Variants in CSMD3 observed in about 807,000 individuals in gnomAD.
The protein encoded by CSMD3 is CUB and Sushi multiple domains 3.
A neutral mutation model predicts 435.2 loss-of-function variants in CSMD3; 177 were observed. The ratio of observed to expected loss-of-function variants is 0.41; its 90% CI spans 0.36 to 0.46. The LOEUF (loss-of-function observed/expected upper bound fraction) is 0.46, where lower values mean the gene tolerates loss of function less well. Ranked by LOEUF, CSMD3 falls within the 20% of genes least tolerant of loss-of-function variation. The probability of loss-of-function intolerance (pLI) is 0.34; values close to 1 mark genes in which losing one functional copy is unlikely to be tolerated. For synonymous variants in CSMD3, 1,656 were observed against 1,520.5 expected, an observed-to-expected ratio of 1.09 and a Z score of -2.07; for missense variants, 4,265 against 4,504.6, an observed-to-expected ratio of 0.95 and a Z score of 1.52.
At chr8:113,354,545 CT>C (rs779040833) in intron 1 of CSMD3, among the ~76,000 whole-genome samples, 17 of 152,114 alleles carry the variant, frequency 1.1e-4, no homozygotes, top group Non-Finnish European at 1.9e-4. Context: ...CATGAATGTT[CT>C]AAGAAACATT....
At chr8:112,363,572 C>T (rs1428630271) in intron 38 of CSMD3, among the ~76,000 whole-genome samples, 2 of 151,898 alleles carry the variant, frequency 1.3e-5, no homozygotes, top group Non-Finnish European at 2.9e-5. Flanking sequence ...GGACCAGTGT[C>T]CCTAGCTCAT....
intron 13 of CSMD3, among the ~76,000 whole-genome samples, chr8:112,700,794 C>T: frequency 6.6e-6 from 1 of 152,130 alleles, no homozygotes; most frequent in East Asian, 1.9e-4. Context: ...AATCTTCCTA[C>T]AGGGGCTGGA....
chr8:112,968,685 A>G (rs1056812460), intron 7 of CSMD3, among the ~76,000 whole-genome samples: 1 of 151,858 alleles, frequency 6.6e-6, no homozygotes, highest in Non-Finnish European at 1.5e-5. Flanking sequence ...TTGACCTATA[A>G]TTTTTCTCTG....
At chr8:112,880,345 C>T (rs2081412710) in intron 10 of CSMD3, among the ~76,000 whole-genome samples, 1 of 151,968 alleles carries the variant, frequency 6.6e-6, no homozygotes, top group Non-Finnish European at 1.5e-5. Context: ...GCTTAAGGAG[C>T]TTGCAGTCTT....
chr8:112,592,391 A>G (rs1831267411), intron 22 of CSMD3, among the ~76,000 whole-genome samples: 1 of 152,028 alleles, frequency 6.6e-6, no homozygotes, highest in Non-Finnish European at 1.5e-5. Context: ...TAAATACAAT[A>G]CATGTATGTA....
chr8:112,336,653 A>T lies in CSMD3; in HGVS notation c.7018T>A (p.Trp2340Arg), dbSNP rs1824591721. The change falls in exon 44 of 71, where the codon TGG becomes AGG. Residue 2340 changes from tryptophan (W) to arginine (R), a missense_variant and splice_region_variant. Coordinates refer to ENST00000297405, the MANE Select transcript of CSMD3 (RefSeq NM_198123.2). The stretch of plus-strand genomic sequence containing the variant: ...TCAATAACAATAGTCCTGACTTACC[A>T]TACAGTAATGAAATCATATATTGGT... ...TEPIYDFITV[W>R]DGPDQNSPQI... 6.2e-7 allele frequency: 1 copy of T among 1,602,144 alleles called. No individual in the cohort carries two copies. Among genetic ancestry groups the T allele is most frequent in the East Asian group, 2.2e-5 (1 of 44,718 alleles).
chr8:113,072,307 T>C (rs925498655), intron 5 of CSMD3, among the ~76,000 whole-genome samples: 13 of 151,898 alleles, frequency 8.6e-5, no homozygotes, highest in Non-Finnish European at 1.6e-4. Context: ...CTAATTGCTC[T>C]GTCAAGGACT....
chr8:113,383,099 G>A (rs954983594), intron 1 of CSMD3, among the ~76,000 whole-genome samples: 1 of 152,134 alleles, frequency 6.6e-6, no homozygotes, highest in Non-Finnish European at 1.5e-5. Flanking sequence ...AAGATGAGGA[G>A]GAGGAATGGA....
chr8:112,933,720 T>C (rs1218747546), intron 9 of CSMD3, among the ~76,000 whole-genome samples: 1 of 152,174 alleles, frequency 6.6e-6, no homozygotes, highest in Non-Finnish European at 1.5e-5. Context: ...TTAAAAATAA[T>C]TCGACATTTT....
chr8:112,429,620 G>C (rs1329533408), intron 32 of CSMD3, among the ~76,000 whole-genome samples: 1 of 151,952 alleles, frequency 6.6e-6, no homozygotes, highest in Admixed American at 6.6e-5. Context: ...ACTTTAAATG[G>C]CTCCTCCTAC....
At chr8:112,525,651 G>A (rs1320790568) in intron 27 of CSMD3, among the ~76,000 whole-genome samples, 2 of 148,768 alleles carry the variant, frequency 1.3e-5, no homozygotes, top group African/African-American at 2.4e-5. Flanking sequence ...AACCCAGGAG[G>A]TGGAACATGC....
chr8:113,321,899 C>A (rs904186552), intron 1 of CSMD3, among the ~76,000 whole-genome samples: 4 of 152,106 alleles, frequency 2.6e-5, no homozygotes, highest in Non-Finnish European at 4.4e-5. Flanking sequence ...CACTGAGGAA[C>A]AATATTTCTT....
chr8:112,479,622 A>C (rs1819430034), intron 31 of CSMD3, among the ~76,000 whole-genome samples: 1 of 152,172 alleles, frequency 6.6e-6, no homozygotes, highest in South Asian at 2.1e-4. Context: ...CCTTGGCTCA[A>C]AGGGGTCCAG....
chr8:112,405,663 C>T (rs1462800759), intron 35 of CSMD3, among the ~76,000 whole-genome samples: 1 of 151,790 alleles, frequency 6.6e-6, no homozygotes, highest in African/African-American at 2.4e-5. Context: ...CAAAATGTTA[C>T]CACCAATATT....
At chr8:113,298,952 T>C (rs2093742455) in intron 2 of CSMD3, among the ~76,000 whole-genome samples, 1 of 152,160 alleles carries the variant, frequency 6.6e-6, no homozygotes, top group Admixed American at 6.6e-5. Context: ...AAAAAATATT[T>C]CACTGAATAT....
intron 15 of CSMD3, 71 bp downstream of exon 15, chr8:112,685,335 T>C: frequency 7.9e-7 from 1 of 1,268,338 alleles, no homozygotes. Flanking sequence ...GGAACCAATA[T>C]ACATGATCAC....
intron 5 of CSMD3, among the ~76,000 whole-genome samples, chr8:113,084,091 C>T (rs1335473105): frequency 6.6e-6 from 1 of 152,014 alleles, no homozygotes. Flanking sequence ...TAAAGTCACA[C>T]AAAGATTTAA....
chr8:112,547,162 G>A (rs577306736), intron 27 of CSMD3, among the ~76,000 whole-genome samples: 2 of 152,100 alleles, frequency 1.3e-5, no homozygotes, highest in Non-Finnish European at 2.9e-5. Flanking sequence ...ATCCTGGTTT[G>A]TGCCTATTGC....
At chr8:112,556,074 A>G (rs1309165562) in intron 25 of CSMD3, among the ~76,000 whole-genome samples, 1 of 149,694 alleles carries the variant, frequency 6.7e-6, no homozygotes, top group Non-Finnish European at 1.5e-5. Flanking sequence ...TAGTATTCCA[A>G]TCTGACACCT....
Sources: allele counts gnomAD v4.1 joint callset (sites outside exome capture counted in the v4.1 genomes callset), GRCh38; gene constraint gnomAD v4.1.1; transcripts MANE v1.5; gene names NCBI Gene and HGNC (gene_info 2026-07-23, HGNC 2026-07-21).